EML5: variants seen among roughly 807,000 people sequenced by gnomAD.
The protein encoded by EML5 is EMAP like 5.
Under a neutral mutation model 250.0 loss-of-function variants are expected in EML5, and 120 were observed. That is an observed-to-expected ratio of 0.48 (90% confidence interval 0.41 to 0.56). The LOEUF (loss-of-function observed/expected upper bound fraction) is 0.56. Among genes scored for constraint, EML5 ranks in the 20% least tolerant of loss-of-function variants. The pLI, the probability that EML5 is intolerant of heterozygous loss-of-function variation, is 0.00. For missense variants in EML5, 2,006 were observed against 2,437.6 expected, an observed-to-expected ratio of 0.82 and a Z score of 3.73; for synonymous variants, 771 against 806.5, an observed-to-expected ratio of 0.96 and a Z score of 0.75.
At chr14:88,784,183 T>C (rs1234669187) in intron 1 of EML5, among the ~76,000 whole-genome samples, 1 of 151,858 alleles carries the variant, frequency 6.6e-6, no homozygotes. Context: ...TGTAAGTGCC[T>C]ACATCAAAAA....
chr14:88,674,422 A>G (rs1381460369), intron 21 of EML5, among the ~76,000 whole-genome samples: 2 of 152,220 alleles, frequency 1.3e-5, no homozygotes, highest in African/African-American at 4.8e-5. Flanking sequence ...CACCTTCTTC[A>G]CAGGGCAGCA....
At chr14:88,722,004 T>A (rs1173556798) in intron 8 of EML5, among the ~76,000 whole-genome samples, 1 of 151,834 alleles carries the variant, frequency 6.6e-6, no homozygotes, top group Admixed American at 6.6e-5. Flanking sequence ...CCAACAAACA[T>A]ATGAAAAAAA....
At chr14:88,628,669 A>G (rs887507312) in intron 33 of EML5, among the ~76,000 whole-genome samples, 3 of 152,096 alleles carry the variant, frequency 2.0e-5, no homozygotes, top group Non-Finnish European at 4.4e-5. Flanking sequence ...TTAAAAATAG[A>G]GAAACATTAA....
chr14:88,751,994 G>A (rs1006696342), intron 2 of EML5, among the ~76,000 whole-genome samples: 1 of 152,102 alleles, frequency 6.6e-6, no homozygotes, highest in African/African-American at 2.4e-5. Context: ...GATAATGCAG[G>A]CTTAGCATAA....
At position 88,651,023 on chromosome 14, in the gene EML5, A is replaced by T. The variant is rs191452480; in HGVS notation, c.4005-1097T>A. Reference sequence around the variant, plus strand: ...AAAGCAATTATTTAAATAAACCATGAACCATATTATCTCCTCACAAATATT... The same window carrying T: ...AAAGCAATTATTTAAATAAACCATGTACCATATTATCTCCTCACAAATATT... On this transcript the variant is annotated intron_variant, in intron 27 of 43. Coordinates refer to ENST00000554922, the MANE Select transcript of EML5 (RefSeq NM_183387.3). Among the ~76,000 whole-genome samples, 61 of 152,276 alleles carry T rather than the reference A, an allele frequency of 4.0e-4. No homozygotes were observed. In the East Asian group the frequency reaches 9.1e-3, roughly 23 times the overall value.
intron 8 of EML5, among the ~76,000 whole-genome samples, chr14:88,717,296 A>T (rs1401332440): frequency 6.6e-6 from 1 of 152,208 alleles, no homozygotes; most frequent in Non-Finnish European, 1.5e-5. Flanking sequence ...TGTGACGGCC[A>T]CTGTAGTTGA....
At position 88,664,850 on chromosome 14, in the gene EML5, CAA is replaced by C. The variant is rs551520538; in HGVS notation, c.3278-228_3278-227del. Among the ~76,000 whole-genome samples the C allele has an allele frequency of 1.5e-3, 222 of 152,096 alleles. 2 individuals are homozygous for C. Among genetic ancestry groups the C allele is most frequent in the African/African-American group, 5.3e-3 (218 of 41,506 alleles). ...AATTAGTTCAGTGGGAAGCAAATGTCAAAAGCTATGTATGATGTAGTTTTGAT... is the reference window on the plus strand; with the variant it reads ...AATTAGTTCAGTGGGAAGCAAATGTCAAGCTATGTATGATGTAGTTTTGAT... On this transcript the variant is annotated intron_variant, in intron 22 of 43. Transcript: ENST00000554922.
At chr14:88,690,148 T>C (rs965222305) in intron 17 of EML5, among the ~76,000 whole-genome samples, 1 of 152,094 alleles carries the variant, frequency 6.6e-6, no homozygotes, top group African/African-American at 2.4e-5. Context: ...GAGACAAGTA[T>C]GGAGCAGCAA....
chr14:88,709,725 G>T (rs1416221447), intron 10 of EML5, among the ~76,000 whole-genome samples: 1 of 152,112 alleles, frequency 6.6e-6, no homozygotes, highest in African/African-American at 2.4e-5. Context: ...ACTCCTTTGA[G>T]AAACCTGCAT....
intron 26 of EML5, 90 bp downstream of exon 26, chr14:88,658,097 A>G (rs913403192): frequency 4.6e-6 from 6 of 1,313,416 alleles, no homozygotes; most frequent in Non-Finnish European, 6.4e-6. Flanking sequence ...TTATTCAAAC[A>G]TTATTATTAC....
chr14:88,756,847 A>C (rs2094167545), intron 1 of EML5, among the ~76,000 whole-genome samples: 1 of 151,684 alleles, frequency 6.6e-6, no homozygotes, highest in Non-Finnish European at 1.5e-5. Flanking sequence ...ATAAATGGAA[A>C]GACATCTCAT....
chr14:88,703,166 T>C (rs2093249472), intron 13 of EML5, among the ~76,000 whole-genome samples: 1 of 152,214 alleles, frequency 6.6e-6, no homozygotes, highest in African/African-American at 2.4e-5. Flanking sequence ...GAAAATAGTA[T>C]GTATAGTATA....
intron 8 of EML5, among the ~76,000 whole-genome samples, chr14:88,724,199 T>C (rs1247271820): frequency 6.8e-6 from 1 of 146,226 alleles, no homozygotes; most frequent in Non-Finnish European, 1.5e-5. Context: ...CGCTTGAACC[T>C]GGGAGGCGGA....
In EML5 at chr14:88,616,962, C is replaced by T. The variant is rs138568052; in HGVS notation, c.5643-83G>A. ...TTCAAAAAGTTTCTTGGCAATTAAT[C>T]TCTAAGTACCCTATCATGTTACTTA... is the stretch of plus-strand genomic sequence containing the variant. On this transcript the variant is annotated intron_variant, in intron 41 of 43. Coordinates refer to ENST00000554922, the MANE Select transcript of EML5 (RefSeq NM_183387.3). 398 of 1,298,798 alleles carry T rather than the reference C, an allele frequency of 3.1e-4. No individual in the cohort carries two copies. In the African/African-American group the frequency reaches 4.7e-3, roughly 15 times the overall value. The allele number at this position is 1,298,798 out of a possible 1,614,324, so 80.5% of individuals were successfully genotyped here.
At chr14:88,768,656 C>A (rs1291974904) in intron 1 of EML5, among the ~76,000 whole-genome samples, 17 of 152,170 alleles carry the variant, frequency 1.1e-4, no homozygotes, top group African/African-American at 3.9e-4. Context: ...AGGTGACCCA[C>A]CCGCCTGGGC....
intron 8 of EML5, among the ~76,000 whole-genome samples, chr14:88,723,688 A>T (rs973331843): frequency 6.6e-6 from 1 of 152,220 alleles, no homozygotes; most frequent in African/African-American, 2.4e-5. Context: ...TGTATAACCA[A>T]AATCTCATGT....
intron 17 of EML5, among the ~76,000 whole-genome samples, chr14:88,689,726 CCT>C (rs1032356044): frequency 2.0e-5 from 3 of 151,856 alleles, no homozygotes; most frequent in African/African-American, 7.3e-5. Context: ...AGAGCAAAAC[CCT>C]GTCTCCAAAC....
rs748964246 is a variant in EML5 at position 88,644,418 on chromosome 14, G to A, written c.4107+15C>T. 2 of 1,611,944 alleles carry A rather than the reference G, an allele frequency of 1.2e-6. No individual in the cohort carries two copies. The highest frequency in any genetic ancestry group is 1.1e-5 in the South Asian group (1 of 90,886). ...GGATACATTTCAGTAACACTGGAGA[G>A]TGAGTTTTCCTTACCTCTATAGGTC... On this transcript the variant is annotated intron_variant, in intron 30 of 43. Coordinates refer to ENST00000554922, the MANE Select transcript of EML5 (RefSeq NM_183387.3).
chr14:88,767,612 A>G (rs2094337518), intron 1 of EML5, among the ~76,000 whole-genome samples: 1 of 152,002 alleles, frequency 6.6e-6, no homozygotes, highest in Non-Finnish European at 1.5e-5. Context: ...TCTCAACTGT[A>G]TTTTTTTGCA....
Sources: allele counts gnomAD v4.1 joint callset (sites outside exome capture counted in the v4.1 genomes callset), GRCh38; gene constraint gnomAD v4.1.1; transcripts MANE v1.5; gene names NCBI Gene and HGNC (gene_info 2026-07-23, HGNC 2026-07-21).